The following NEDD9 variants were observed in gnomAD, a reference collection of about 807,000 sequenced individuals.
The protein encoded by NEDD9 is neural precursor cell expressed, developmentally down-regulated 9.
Under a neutral mutation model 76.6 loss-of-function variants are expected in NEDD9, and 26 were observed. That is an observed-to-expected ratio of 0.34 (90% CI 0.25 to 0.47). The LOEUF is 0.47. NEDD9 is among the 20% of genes least tolerant of loss of function. The pLI, the probability that NEDD9 is intolerant of heterozygous loss-of-function variation, is 1.00. For synonymous variants in NEDD9, 392 were observed against 414.2 expected (o/e 0.95, Z 0.65); for missense variants, 937 against 1,058.5 (o/e 0.89, Z 1.59).
At chr6:11,301,247 A>G (rs1761038241) in intron 3 of NEDD9, among the ~76,000 whole-genome samples, 2 of 152,246 alleles carry the variant, frequency 1.3e-5, no homozygotes, top group Admixed American at 1.3e-4. Context: ...CTTTAAACCA[A>G]CAAAGATCAA....
Position 11,190,904 on chromosome 6 carries a change from C to T in NEDD9, c.965G>A (p.Gly322Asp). ...TGCTGGTGGCTCAAGAAACTGAACG[C>T]CTCGGGGGACATCATATGCGTCGTT... ...SQNDAYDVPR[G>D]VQFLEPPAET... The change falls in exon 5 of 7, where the codon GGC becomes GAC. Residue 322 changes from glycine to aspartate, a missense_variant. By Grantham distance (94) the Gly-to-Asp change is moderately conservative (BLOSUM62 -1). Coordinates refer to ENST00000379446, the MANE Select transcript of NEDD9 (RefSeq NM_006403.4). The surrounding 1 kb of genome is among the most constrained non-coding windows in gnomAD (Gnocchi z 5.8). 6.2e-7 allele frequency: 1 copy of T among 1,614,094 alleles called. No individual in the cohort carries two copies. Among genetic ancestry groups the T allele is most frequent in the Non-Finnish European group, 8.5e-7 (1 of 1,180,032 alleles).
intron 2 of NEDD9, among the ~76,000 whole-genome samples, chr6:11,322,207 A>G (rs899939462): frequency 6.6e-6 from 1 of 152,228 alleles, no homozygotes; most frequent in Non-Finnish European, 1.5e-5. Context: ...GGAGAGCATT[A>G]GGACAAATAT....
chr6:11,265,149 C>G (rs1474282391), intron 3 of NEDD9, among the ~76,000 whole-genome samples: 1 of 152,186 alleles, frequency 6.6e-6, no homozygotes, highest in African/African-American at 2.4e-5. Context: ...TCAAATACTT[C>G]AAGTTTAAAA....
chr6:11,356,019 C>A (rs1055217675), intron 1 of NEDD9, among the ~76,000 whole-genome samples: 1 of 152,212 alleles, frequency 6.6e-6, no homozygotes, highest in African/African-American at 2.4e-5. Context: ...CCATGCCCGG[C>A]CGAGAGCTCT....
intron 4 of NEDD9, among the ~76,000 whole-genome samples, chr6:11,192,008 C>T (rs542018671): frequency 6.6e-6 from 1 of 152,104 alleles, no homozygotes; most frequent in South Asian, 2.1e-4. Context: ...CTGTCTCAAA[C>T]AAAATGTAAC....
rs1324119558 is a variant in NEDD9, at chr6:11,191,050, C to T, written c.819G>A (p.Lys273=). 6.2e-7 allele frequency: 1 copy of T among 1,613,902 alleles called. No individual in the cohort carries two copies. Among genetic ancestry groups the T allele is most frequent in the Non-Finnish European group, 8.5e-7 (1 of 1,180,008 alleles). Residue 273 remains lysine, a synonymous_variant, in exon 5 of 7, where the codon AAG becomes AAA. Transcript: ENST00000379446. ...IPPTCTKPAG[K]DLHVKYNCDI... Reference sequence around the variant, plus strand: ...CACAGTTGTATTTTACATGAAGGTCCTTCCCTGCTGGCTTGGTGCAGGTTG... The same window carrying T: ...CACAGTTGTATTTTACATGAAGGTCTTTCCCTGCTGGCTTGGTGCAGGTTG...
chr6:11,344,375 A>C (rs1762328477), intron 1 of NEDD9, among the ~76,000 whole-genome samples: 1 of 152,346 alleles, frequency 6.6e-6, no homozygotes, highest in East Asian at 1.9e-4. Context: ...AAGTGGCGAA[A>C]GGCTAAGATA....
intron 1 of NEDD9, among the ~76,000 whole-genome samples, chr6:11,348,652 G>A (rs57971254): frequency 2.0e-5 from 3 of 152,242 alleles, no homozygotes; most frequent in Admixed American, 6.5e-5. Context: ...CTTTGATAAA[G>A]TTGACAAAAA....
At position 11,288,883 on chromosome 6, in the gene NEDD9, G is replaced by A. The variant is rs77640603; in HGVS notation, c.12+17109C>T. 7.1e-3 allele frequency among the ~76,000 whole-genome samples: 1,082 copies of A among 152,274 alleles called. 8 individuals are homozygous for A. Among genetic ancestry groups the A allele is most frequent in the Non-Finnish European group, 0.012 (831 of 68,012 alleles). ...ACACTCTTCTATTTTACAGACAGAT[G>A]GATGTTTTCTTGGTTTACTTCCATA... On this transcript the variant is annotated intron_variant, in intron 3 of 3. Transcript: ENST00000397378.
intron 6 of NEDD9, 119 bp downstream of exon 6, chr6:11,188,099 T>C: frequency 1.2e-6 from 1 of 815,400 alleles, no homozygotes; most frequent in Non-Finnish European, 2.1e-6. Flanking sequence ...GCTTTGGAGC[T>C]GATTCCTGCC....
intron 2 of NEDD9, among the ~76,000 whole-genome samples, chr6:11,326,146 CAAA>C (rs113503681): frequency 1.3e-4 from 12 of 89,864 alleles, no homozygotes; most frequent in East Asian, 3.3e-4. Context: ...AACCTCATCT[CAAA>C]AAAAAAAAAA....
At chr6:11,319,656 A>G (rs957900790) in intron 2 of NEDD9, among the ~76,000 whole-genome samples, 1 of 139,642 alleles carries the variant, frequency 7.2e-6, no homozygotes, top group African/African-American at 2.7e-5. Flanking sequence ...CACACATGCC[A>G]CACACTAACA....
intron 1 of NEDD9, among the ~76,000 whole-genome samples, chr6:11,226,602 A>T (rs1044812338): frequency 6.8e-6 from 1 of 146,634 alleles, no homozygotes; most frequent in African/African-American, 2.5e-5. Flanking sequence ...CTTCTCATGT[A>T]CTCCCAACTT....
intron 1 of NEDD9, among the ~76,000 whole-genome samples, chr6:11,379,858 G>T (rs1296732624): frequency 6.6e-6 from 1 of 152,184 alleles, no homozygotes; most frequent in Non-Finnish European, 1.5e-5. Flanking sequence ...GGTTCAATGT[G>T]ATTTCATGCT....
intron 2 of NEDD9, among the ~76,000 whole-genome samples, chr6:11,206,092 CACAAT>C (rs1278250397): frequency 6.6e-6 from 1 of 152,194 alleles, no homozygotes; most frequent in African/African-American, 2.4e-5. Flanking sequence ...CTGCATTTTG[CACAAT>C]GTAGTCAAGC....
At chr6:11,346,477 G>GC (rs57973517) in intron 1 of NEDD9, among the ~76,000 whole-genome samples, 72,412 of 144,906 alleles carry the variant, frequency 0.5, 18,586 homozygotes, top group Admixed American at 0.59. Flanking sequence ...AGGCTCGGAG[G>GC]CCCCCCCCCC....
chr6:11,279,473 C>T (rs1404008233), intron 3 of NEDD9, among the ~76,000 whole-genome samples: 1 of 152,246 alleles, frequency 6.6e-6, no homozygotes, highest in Non-Finnish European at 1.5e-5. Context: ...GCGAAGGCTT[C>T]GTGTGTCTCA....
At chr6:11,334,943 C>T (rs1037068574) in intron 1 of NEDD9, among the ~76,000 whole-genome samples, 2 of 152,156 alleles carry the variant, frequency 1.3e-5, no homozygotes, top group African/African-American at 4.8e-5. Context: ...AGGAGTGTGG[C>T]GGCCAGCTGT....
intron 3 of NEDD9, among the ~76,000 whole-genome samples, chr6:11,275,929 G>A (rs1453563910): frequency 6.6e-6 from 1 of 152,126 alleles, no homozygotes; most frequent in Non-Finnish European, 1.5e-5. Flanking sequence ...CCGAAGATAG[G>A]AAGCACATGT....
Sources: gnomAD v4.1 joint callset for allele counts (sites outside exome capture counted in the v4.1 genomes callset) on GRCh38, gnomAD v4.1.1 for gene constraint, Gnocchi (gnomAD v3.1) non-coding constraint, MANE v1.5 for transcripts, NCBI Gene and HGNC (gene_info 2026-07-23, HGNC 2026-07-21) for gene names.